Variants in RIC3 observed in about 807,000 individuals in gnomAD.
The protein encoded by RIC3 is protein RIC-3.
A neutral mutation model predicts 27.3 loss-of-function variants in RIC3; 28 were observed. That is an observed-to-expected ratio of 1.02 (90% CI 0.76 to 1.41). The LOEUF (loss-of-function observed/expected upper bound fraction) is 1.41. RIC3 is among the 40% of genes most tolerant of loss of function. RIC3 has a pLI of 0.00. For synonymous variants in RIC3, 184 were observed against 160.4 expected (o/e 1.15, Z -1.11); for missense variants, 501 against 444.7 (o/e 1.13, Z -1.14).
chr11:8,112,531 G>A (rs1433746062), intron 5 of RIC3, among the ~76,000 whole-genome samples: 1 of 152,134 alleles, frequency 6.6e-6, no homozygotes, highest in African/African-American at 2.4e-5. Flanking sequence ...CTGACCTCAG[G>A]TGATCCACCC....
the RIC3 span, chr11:8,100,701 A>AC: frequency 2.1e-6 from 3 of 1,442,954 alleles, no homozygotes; most frequent in Non-Finnish European, 2.9e-6. Flanking sequence ...GTGGAGGGGT[A>AC]CCATGTGAGA....
At chr11:8,097,948 C>G in the RIC3 span, 1 of 734,330 alleles carries the variant, frequency 1.4e-6, no homozygotes, top group Non-Finnish European at 2.3e-6. Context: ...CTCCCAGGAT[C>G]CTCTCTGATA....
chr11:8,097,897 C>T, the RIC3 span: 1 of 1,151,702 alleles, frequency 8.7e-7, no homozygotes, highest in Non-Finnish European at 1.3e-6. Context: ...TGTAGAGGGC[C>T]TGAATCTTCC....
intron 4 of RIC3, among the ~76,000 whole-genome samples, chr11:8,133,452 C>G (rs1350593197): frequency 1.3e-5 from 2 of 152,154 alleles, no homozygotes; most frequent in Non-Finnish European, 2.9e-5. Flanking sequence ...AGAGAAAAAT[C>G]ACATCTGAGA....
At chr11:8,133,988 T>A (rs1239844199) in intron 4 of RIC3, among the ~76,000 whole-genome samples, 4 of 151,616 alleles carry the variant, frequency 2.6e-5, no homozygotes, top group Non-Finnish European at 5.9e-5. Context: ...TTTCTTTTTT[T>A]TTTTAATATA....
chr11:8,100,657 C>T, the RIC3 span: 18 of 1,568,870 alleles, frequency 1.1e-5, no homozygotes, highest in Non-Finnish European at 1.5e-5. Flanking sequence ...TCTGCATGAG[C>T]TTCTAAGGGC....
downstream of RIC3, among the ~76,000 whole-genome samples, chr11:8,101,294 C>T (rs1395386050): frequency 6.6e-6 from 1 of 152,012 alleles, no homozygotes; most frequent in Non-Finnish European, 1.5e-5. Context: ...TTACTTTGTC[C>T]TTTGCCATCT....
chr11:8,124,408 G>T (rs1946788851), intron 5 of RIC3, among the ~76,000 whole-genome samples: 2 of 152,156 alleles, frequency 1.3e-5, no homozygotes, highest in South Asian at 4.1e-4. Flanking sequence ...TAAATGGTGA[G>T]ATATAAGACG....
chr11:8,141,978 C>A (rs555728362), intron 1 of RIC3, among the ~76,000 whole-genome samples: 7,022 of 150,830 alleles, frequency 0.047, 236 homozygotes, highest in African/African-American at 0.1. Context: ...TTGAAACCAA[C>A]GAGAACAAAG....
intron 1 of RIC3, among the ~76,000 whole-genome samples, chr11:8,150,698 A>G (rs1950141197): frequency 6.6e-6 from 1 of 152,248 alleles, no homozygotes; most frequent in South Asian, 2.1e-4. Context: ...CTAATACCAT[A>G]AAAGTCAGAG....
At chr11:8,100,556 A>G in the RIC3 span, 2 of 1,614,150 alleles carry the variant, frequency 1.2e-6, no homozygotes, top group Non-Finnish European at 1.7e-6. Context: ...TGATTGTCCC[A>G]GGCATGAACA....
rs1403272537 is a variant in RIC3, at chr11:8,106,970, C to CTT, written c.*3726_*3727dup. 1 of 152,156 alleles carries CTT rather than the reference C, an allele frequency of 6.6e-6. No individual in the cohort carries two copies. Among genetic ancestry groups the CTT allele is most frequent in the East Asian group, 1.9e-4 (1 of 5,192 alleles). 9.4% of individuals were successfully genotyped at this position (152,156 alleles called of 1,614,324 possible). ...CACATGCTTTGCCCTGGCACAGACA[C>CTT]TTTATAAACAGCATCTTATTTAATC... is the stretch of plus-strand genomic sequence containing the variant. On this transcript the variant is annotated 3_prime_UTR_variant, in exon 6 of 6. Coordinates refer to ENST00000309737, the MANE Select transcript of RIC3 (RefSeq NM_001206671.4).
rs545012761 is a variant in RIC3 at position 8,151,424 on chromosome 11, AAAAATACAAAAATTAGCCGGGCATGG to A, written c.125-11257_125-11232del. Among the ~76,000 whole-genome samples, 355 of 150,582 alleles carry A rather than the reference AAAAATACAAAAATTAGCCGGGCATGG, an allele frequency of 2.4e-3. 3 individuals are homozygous for A. The highest frequency in any genetic ancestry group is 2.9e-3 in the Non-Finnish European group (199 of 67,794). On this transcript the variant is annotated intron_variant, in intron 1 of 5. Coordinates refer to ENST00000309737, the MANE Select transcript of RIC3 (RefSeq NM_001206671.4). Reference sequence around the variant, plus strand: ...AACACGGTGAAACCCCGTCTCTACTAAAAATACAAAAATTAGCCGGGCATGGTGGCGCGTGCCTGTAGTCCCAGCTA... The same window carrying A: ...AACACGGTGAAACCCCGTCTCTACTATGGCGCGTGCCTGTAGTCCCAGCTA...
Position 8,126,764 on chromosome 11 carries a change from G to A in RIC3, c.565C>T (p.His189Tyr), listed in dbSNP as rs778134120. The part of the protein sequence containing the change: ...VTSDQEKRLL[H>Y]QLREITRVMK... ...ACCCTGGTGATTTCTCGGAGCTGAT[G>A]TAGCAACCGTTTCTCTTGGTCAGAA... Residue 189 changes from histidine (H) to tyrosine (Y), a missense_variant, in exon 5 of 6, where the codon CAT (histidine) becomes TAT (tyrosine). Transcript: ENST00000309737. 8 of 1,614,012 alleles carry A rather than the reference G, an allele frequency of 5.0e-6. No homozygotes were observed. Among genetic ancestry groups the A allele is most frequent in the Admixed American group, 3.3e-5 (2 of 59,994 alleles).
chr11:8,125,245 C>A, intron 5 of RIC3, among the ~76,000 whole-genome samples: 1 of 146,436 alleles, frequency 6.8e-6, no homozygotes, highest in Non-Finnish European at 1.5e-5. Flanking sequence ...CAGAGCAAGA[C>A]TCTGTCTCAA....
downstream of RIC3, chr11:8,102,885 C>A (rs1944364828): frequency 7.1e-6 from 1 of 140,938 alleles, no homozygotes; most frequent in South Asian, 2.4e-4. Flanking sequence ...TCCCACTGTC[C>A]CCCAAGAAAC....
At chr11:8,097,799 G>A in the RIC3 span, 3 of 1,613,918 alleles carry the variant, frequency 1.9e-6, no homozygotes, top group Admixed American at 3.3e-5. Flanking sequence ...TTGTCTCGAG[G>A]AGGGGACAGC....
chr11:8,164,670 T>C lies in RIC3; in HGVS notation c.124+4196A>G, dbSNP rs530274628. Among the ~76,000 whole-genome samples, 10 of 149,466 alleles carry C rather than the reference T, an allele frequency of 6.7e-5. No individual in the cohort carries two copies. In the East Asian group the frequency reaches 2.0e-3, roughly 30 times the overall value. ...GCACACACCTGTAGTCCTAGTTACC[T>C]GGGAGGGTAAGGTGGGAGAATCACT... On this transcript the variant is annotated intron_variant, in intron 1 of 5. Coordinates refer to ENST00000309737, the MANE Select transcript of RIC3 (RefSeq NM_001206671.4).
Position 8,169,014 on chromosome 11 carries a change from C to T in RIC3, c.-25G>A. On this transcript the variant is annotated 5_prime_UTR_variant, in exon 1 of 6. Transcript: ENST00000309737. ...TGACTGCTCACGGTGGTCGCAGGTG[C>T]AGACGCCAGCCGGAACCGGAACCGG... The T allele has an allele frequency of 6.5e-7, 1 of 1,543,166 alleles. No homozygotes were observed. Among genetic ancestry groups the T allele is most frequent in the Non-Finnish European group, 8.7e-7 (1 of 1,151,164 alleles).
Sources: allele counts gnomAD v4.1 joint callset (sites outside exome capture counted in the v4.1 genomes callset), GRCh38; gene constraint gnomAD v4.1.1; transcripts MANE v1.5; gene names NCBI Gene and HGNC (gene_info 2026-07-23, HGNC 2026-07-21).